CUX1: variants seen among roughly 807,000 people sequenced by gnomAD.
CUX1 encodes the protein cut like homeobox 1.
CUX1 carries 31 observed loss-of-function variants against 158.8 expected under a neutral mutation model. The observed-to-expected ratio is 0.20, with a 90% CI of 0.15 to 0.26. The LOEUF is 0.26. Among genes scored for constraint, CUX1 ranks in the 10% least tolerant of loss-of-function variants. The pLI is 1.00. For synonymous variants in CUX1, 879 were observed against 862.1 expected, an observed-to-expected ratio of 1.02 and a Z score of -0.34; for missense variants, 1,589 against 2,014.6, an observed-to-expected ratio of 0.79 and a Z score of 4.04.
chr7:101,948,388 G>T (rs1259526274), intron 2 of CUX1, among the ~76,000 whole-genome samples: 3 of 151,944 alleles, frequency 2.0e-5, no homozygotes, highest in African/African-American at 7.2e-5. Flanking sequence ...TTCCCTCTGT[G>T]CCCTAGATCC....
intron 2 of CUX1, among the ~76,000 whole-genome samples, chr7:101,931,655 T>A (rs1415015543): frequency 6.6e-6 from 1 of 152,142 alleles, no homozygotes; most frequent in Non-Finnish European, 1.5e-5. Context: ...AACCTCTGCC[T>A]TCCGGGCTCA....
At chr7:102,183,298 G>C (rs1793301593) in intron 11 of CUX1, among the ~76,000 whole-genome samples, 2 of 151,836 alleles carry the variant, frequency 1.3e-5, no homozygotes, top group Non-Finnish European at 2.9e-5. Flanking sequence ...ACAGGCGTGA[G>C]CCATCGCGCC....
chr7:102,246,653 T>A (rs2132591407), intron 23 of CUX1, among the ~76,000 whole-genome samples: 1 of 151,702 alleles, frequency 6.6e-6, no homozygotes, highest in South Asian at 2.1e-4. Context: ...CACTGTAACC[T>A]CCACCTCCCA....
At chr7:102,079,641 C>T (rs565500500) in intron 4 of CUX1, among the ~76,000 whole-genome samples, 12 of 152,188 alleles carry the variant, frequency 7.9e-5, no homozygotes, top group African/African-American at 2.9e-4. Context: ...ACCCAGGGCC[C>T]CTCCGGAGAG....
At position 102,216,548 on chromosome 7, in the gene CUX1, CCACACA is replaced by C. The variant is rs1209706680; in HGVS notation, c.3131-10817_3131-10812del. 2.8e-5 allele frequency among the ~76,000 whole-genome samples: 3 copies of C among 107,756 alleles called. No homozygotes were observed. The South Asian group carries it at 9.5e-4, about 34-fold the overall frequency. 70.7% of individuals were successfully genotyped at this position (107,756 alleles called of 152,430 possible). ...CACTCTCCCCCCCACACACACACAC[CCACACA>C]CGCACACACACTCCCACACACACAC... On this transcript the variant is annotated intron_variant, in intron 20 of 23. Transcript: ENST00000292535.
chr7:101,946,894 G>T (rs1384634521), intron 2 of CUX1, among the ~76,000 whole-genome samples: 2 of 152,252 alleles, frequency 1.3e-5, no homozygotes, highest in East Asian at 3.9e-4. Flanking sequence ...GACCAAGGAG[G>T]TGGCACCCCT....
intron 14 of CUX1, chr7:102,273,238 T>G (rs545810820): frequency 1.4e-5 from 18 of 1,291,260 alleles, no homozygotes; most frequent in Non-Finnish European, 1.9e-5. Context: ...TGGGAGGGAA[T>G]AGCCAGCACT....
At chr7:101,955,432 T>G (rs1472218890) in intron 2 of CUX1, among the ~76,000 whole-genome samples, 1 of 152,212 alleles carries the variant, frequency 6.6e-6, no homozygotes. Flanking sequence ...ATGCCCATTT[T>G]ATAGACTTGA....
At chr7:102,225,618 C>T (rs1383227936) in intron 20 of CUX1, among the ~76,000 whole-genome samples, 1 of 152,170 alleles carries the variant, frequency 6.6e-6, no homozygotes, top group East Asian at 1.9e-4. Context: ...AAACCCAGCA[C>T]TTTGGGAGGC....
At chr7:102,067,964 T>C (rs1310106518) in intron 3 of CUX1, among the ~76,000 whole-genome samples, 9 of 151,820 alleles carry the variant, frequency 5.9e-5, no homozygotes, top group African/African-American at 1.9e-4. Context: ...GAGGCTGCAG[T>C]GAGCTGAGAC....
At chr7:102,072,810 T>G (rs1028340980) in intron 4 of CUX1, among the ~76,000 whole-genome samples, 1 of 152,118 alleles carries the variant, frequency 6.6e-6, no homozygotes, top group Non-Finnish European at 1.5e-5. Context: ...GTGCATAAGG[T>G]AGTGACTGAG....
rs199924424 is a variant in CUX1, at chr7:102,104,736, C to CA, written c.530+286dup. Among the ~76,000 whole-genome samples, 1,007 of 150,964 alleles carry CA rather than the reference C, an allele frequency of 6.7e-3. 22 individuals carry two copies. Among genetic ancestry groups the CA allele is most frequent in the Admixed American group, 0.045 (682 of 15,128 alleles). On this transcript the variant is annotated intron_variant, in intron 6 of 23. Coordinates refer to ENST00000292535, the MANE Select transcript of CUX1 (RefSeq NM_181552.4). ...GAAACCCCGTCTCTACTAAAAAATACAAAAAAAAATTAGCCAGGCATGGTG... is the reference window on the plus strand; with the variant it reads ...GAAACCCCGTCTCTACTAAAAAATACAAAAAAAAAATTAGCCAGGCATGGTG...
At chr7:101,817,197 G>C (rs1215639259), upstream of CUX1, 1 of 984,396 alleles carries the variant, frequency 1.0e-6, no homozygotes, top group Admixed American at 6.2e-5. The surrounding 1 kb of genome is among the most constrained non-coding windows in gnomAD (Gnocchi z 4.1). Flanking sequence ...CCGGGTGCCC[G>C]GGCAGTGTAC....
chr7:101,895,908 G>GTTTTT (rs869038068), intron 1 of CUX1, among the ~76,000 whole-genome samples: 1 of 93,998 alleles, frequency 1.1e-5, no homozygotes, highest in Non-Finnish European at 2.2e-5. Flanking sequence ...TTTTGTTTTT[G>GTTTTT]TTTTTTTTTT....
chr7:102,274,305 T>C, exon 16 of CUX1: 1 of 1,613,340 alleles, frequency 6.2e-7, no homozygotes, highest in Middle Eastern at 1.7e-4. Flanking sequence ...ACTGCCCTAT[T>C]CTACGGTAAG....
At chr7:102,281,920 G>A in exon 21 of CUX1, 2 of 1,607,222 alleles carry the variant, frequency 1.2e-6, no homozygotes, top group South Asian at 1.1e-5. Context: ...TGGTCTTCCT[G>A]GTGAGTGTGC....
At chr7:101,974,557 C>G (rs1812402319) in intron 2 of CUX1, among the ~76,000 whole-genome samples, 1 of 152,082 alleles carries the variant, frequency 6.6e-6, no homozygotes, top group South Asian at 2.1e-4. Context: ...TGAAAGTCAG[C>G]TAAATTGGGA....
chr7:102,239,519 C>T lies in CUX1; in HGVS notation c.3822C>T (p.Ile1274=). The T allele has an allele frequency of 6.2e-7, 1 of 1,614,160 alleles. No individual in the cohort carries two copies. Among genetic ancestry groups the T allele is most frequent in the Non-Finnish European group, 8.5e-7 (1 of 1,179,994 alleles). Residue 1274 remains isoleucine (I), a synonymous_variant, in exon 23 of 24, where the codon ATC becomes ATT. Transcript: ENST00000292535. ...QQKPYPSPKT[I]EDLATQLNLK... is the part of the protein sequence containing the mutation. ...AGCCATACCCGTCACCAAAAACCATCGAAGACCTCGCCACCCAGCTCAACC... is the reference window on the plus strand; with the variant it reads ...AGCCATACCCGTCACCAAAAACCATTGAAGACCTCGCCACCCAGCTCAACC...
chr7:101,920,628 C>G (rs910944673), intron 2 of CUX1, among the ~76,000 whole-genome samples: 3 of 152,120 alleles, frequency 2.0e-5, no homozygotes, highest in African/African-American at 4.8e-5. Flanking sequence ...ATATATTTGC[C>G]ATCATATGAT....
Sources: gnomAD v4.1 joint callset for allele counts (sites outside exome capture counted in the v4.1 genomes callset) on GRCh38, gnomAD v4.1.1 for gene constraint, Gnocchi (gnomAD v3.1) non-coding constraint, MANE v1.5 for transcripts, NCBI Gene and HGNC (gene_info 2026-07-23, HGNC 2026-07-21) for gene names.